The following ACIN1 variants were observed in gnomAD, a reference collection of about 807,000 sequenced individuals.
The protein encoded by ACIN1 is apoptotic chromatin condensation inducer in the nucleus.
In ACIN1, 16 loss-of-function variants were observed where a neutral mutation model predicts 146.6. The observed-to-expected ratio is 0.11, with a 90% confidence interval of 0.07 to 0.17. ACIN1 has a LOEUF of 0.17. Ranked by LOEUF, ACIN1 falls within the 10% of genes least tolerant of loss-of-function variation. The pLI, the probability that ACIN1 is intolerant of heterozygous loss-of-function variation, is 1.00. For missense variants in ACIN1, 1,357 were observed against 1,609.3 expected (o/e 0.84, Z 2.68); for synonymous variants, 569 against 582.7 (o/e 0.98, Z 0.34).
chr14:23,085,307 C>G (rs576225470), intron 4 of ACIN1, among the ~76,000 whole-genome samples: 2 of 152,310 alleles, frequency 1.3e-5, no homozygotes, highest in East Asian at 3.9e-4. Flanking sequence ...TGCACTCCAG[C>G]CTGGGCGACA....
chr14:23,061,369 G>C lies in ACIN1; in HGVS notation c.3353C>G (p.Ser1118Cys), dbSNP rs1010651256. Reference sequence around the variant, plus strand: ...GCGGCGGTCACGGGACCTTGATCGGGAACGGGGCCCTTCTCGAACTTTGTC... The same window carrying C: ...GCGGCGGTCACGGGACCTTGATCGGCAACGGGGCCCTTCTCGAACTTTGTC... ...DRDKVREGPR[S>C]RSRSRDRRRK... Residue 1118 changes from serine (S) to cysteine (C), a missense_variant, in exon 17 of 19, where the codon TCC becomes TGC. Around this residue, in one of 4 missense-constraint regions of ACIN1, gnomAD observed 509 missense variants for 719.6 expected, o/e 0.71. Transcript: ENST00000605057. 1 of 1,614,110 alleles carries C rather than the reference G, an allele frequency of 6.2e-7. No individual in the cohort carries two copies. The highest frequency in any genetic ancestry group is 8.5e-7 in the Non-Finnish European group (1 of 1,180,026).
At position 23,071,636 on chromosome 14, in the gene ACIN1, G is replaced by GGAGCTGAGTGAGCAA. The variant is rs1330849210; in HGVS notation, c.2124-2034_2124-2020dup. On this transcript the variant is annotated intron_variant, in intron 8 of 18. Transcript: ENST00000605057. Reference sequence around the variant, plus strand: ...AGGGGAGGGGAAAGAAAAGAGGGAGGGAGCTGAGTGAGCAAGGTTCTTATC... The same window carrying GGAGCTGAGTGAGCAA: ...AGGGGAGGGGAAAGAAAAGAGGGAGGGAGCTGAGTGAGCAAGAGCTGAGTGAGCAAGGTTCTTATC... 419 of 1,352,528 alleles carry GGAGCTGAGTGAGCAA rather than the reference G, an allele frequency of 3.1e-4. 2 individuals are homozygous for GGAGCTGAGTGAGCAA. In the Middle Eastern group the frequency reaches 3.4e-3, roughly 11 times the overall value. 83.8% of individuals were successfully genotyped at this position (1,352,528 alleles called of 1,614,324 possible).
chr14:23,080,781 C>G lies in ACIN1; in HGVS notation c.554G>C (p.Ser185Thr). 1 of 1,610,244 alleles carries G rather than the reference C, an allele frequency of 6.2e-7. No homozygotes were observed. The highest frequency in any genetic ancestry group is 1.1e-5 in the South Asian group (1 of 90,666). ...ATCCTCTTCCTCCTCAGCAGGTTGG[C>G]TGCCCTCAGACAGTTTAGCTGCTCT... ...QARAAKLSEG[S>T]QPAEEEEDQE... The change falls in exon 6 of 19, where the codon AGC becomes ACC. Residue 185 changes from serine to threonine, a missense_variant. Transcript: ENST00000605057.
At chr14:23,075,709 A>T (rs55669807) in intron 8 of ACIN1, among the ~76,000 whole-genome samples, 1 of 144,842 alleles carries the variant, frequency 6.9e-6, no homozygotes, top group African/African-American at 2.5e-5. Flanking sequence ...GGTCTTTTCC[A>T]TTTTTTTTTT....
intron 8 of ACIN1, among the ~76,000 whole-genome samples, chr14:23,070,122 T>G (rs912106679): frequency 6.6e-6 from 1 of 150,966 alleles, no homozygotes; most frequent in Non-Finnish European, 1.5e-5. Context: ...GCCTGACCTG[T>G]GTTTAATCAA....
chr14:23,072,310 C>T (rs755055099), intron 8 of ACIN1, among the ~76,000 whole-genome samples: 4 of 152,060 alleles, frequency 2.6e-5, no homozygotes, highest in Non-Finnish European at 2.9e-5. Flanking sequence ...CCCCAGGGTC[C>T]ACTCGGGCCA....
intron 4 of ACIN1, among the ~76,000 whole-genome samples, chr14:23,085,296 C>T (rs2048061390): frequency 6.6e-6 from 1 of 152,088 alleles, no homozygotes; most frequent in African/African-American, 2.4e-5. Flanking sequence ...GATCGCGCCA[C>T]TGCACTCCAG....
chr14:23,062,456 G>A lies in ACIN1; in HGVS notation c.2951C>T (p.Ala984Val). 6.2e-7 allele frequency: 1 copy of A among 1,614,140 alleles called. No individual in the cohort carries two copies. Among genetic ancestry groups the A allele is most frequent in the Non-Finnish European group, 8.5e-7 (1 of 1,180,026 alleles). Residue 984 changes from alanine to valine, a missense_variant, in exon 15 of 19, where the codon GCC (alanine) becomes GTC (valine). By Grantham distance (64) the Ala-to-Val change is moderately conservative. This residue lies in a region of ACIN1 where 509 missense variants were observed against 719.6 expected (regional missense o/e 0.71). Coordinates refer to ENST00000605057, the MANE Select transcript of ACIN1 (RefSeq NM_001386863.1). Reference protein sequence around the residue: ...LGRTGTLVEEAFWIDKIKSHC... With the variant: ...LGRTGTLVEEVFWIDKIKSHC... ...AGATTTGATCTTGTCAATCCAGAAGGCCTCTTCCACCAAGGTTCCTGTGCG... is the reference window on the plus strand; with the variant it reads ...AGATTTGATCTTGTCAATCCAGAAGACCTCTTCCACCAAGGTTCCTGTGCG...
intron 8 of ACIN1, among the ~76,000 whole-genome samples, chr14:23,075,323 C>CTTT (rs11423392): frequency 8.0e-4 from 107 of 133,334 alleles, no homozygotes; most frequent in African/African-American, 3.0e-3. Context: ...CTTTCTTCCC[C>CTTT]TTTTTTTTTT....
In ACIN1 at chr14:23,062,483, C is replaced by T. The variant is rs2047320038; in HGVS notation, c.2924G>A (p.Gly975Glu). ...FTLGQLKELL[G>E]RTGTLVEEAF... ...CTCTTCCACCAAGGTTCCTGTGCGC[C>T]CCAACAACTCCTTTAGCTGGCCTAA... The change falls in exon 15 of 19, where the codon GGG becomes GAG. Residue 975 changes from glycine (G) to glutamate (E), a missense_variant. Gly to Glu is a moderately conservative substitution (Grantham distance 98). Transcript: ENST00000605057. The T allele has an allele frequency of 6.2e-7, 1 of 1,614,046 alleles. No homozygotes were observed. Among genetic ancestry groups the T allele is most frequent in the African/African-American group, 1.3e-5 (1 of 74,910 alleles).
Position 23,068,096 on chromosome 14 carries a change from C to T in ACIN1, c.2265+1380G>A. ...ACCAAAGGAAAGTCCATCTGATGAG[C>T]AAGTGGTGACACATGGGCTGGGCTG... On this transcript the variant is annotated intron_variant, in intron 9 of 18. Coordinates refer to ENST00000605057, the MANE Select transcript of ACIN1 (RefSeq NM_001386863.1). The surrounding 1 kb of genome is among the most constrained non-coding windows in gnomAD (Gnocchi z 4.3). 4 of 985,876 alleles carry T rather than the reference C, an allele frequency of 4.1e-6. No homozygotes were observed. The South Asian group carries it at 1.9e-4, about 46-fold the overall frequency. The allele number at this position is 985,876 out of a possible 1,614,324, so 61.1% of individuals were successfully genotyped here. A position where few individuals can be genotyped will look rare whatever the true frequency, so the allele number is the denominator to read the frequency against.
chr14:23,091,533 C>G (rs1278752696), intron 2 of ACIN1, among the ~76,000 whole-genome samples: 5 of 149,846 alleles, frequency 3.3e-5, no homozygotes, highest in African/African-American at 7.4e-5. Flanking sequence ...CCACTGCACT[C>G]CAGCCTGGGT....
chr14:23,061,199 AGT>A lies in ACIN1; in HGVS notation c.3425-17_3425-16del. On this transcript the variant is annotated splice_polypyrimidine_tract_variant and intron_variant, in intron 17 of 18. Transcript: ENST00000605057. Reference sequence around the variant, plus strand: ...CTGGGCTTTCTCTGAGGTGGAAAAAAGTGAACCAGATATGATGCATCTGACCC... The same window carrying A: ...CTGGGCTTTCTCTGAGGTGGAAAAAAGAACCAGATATGATGCATCTGACCC... 6.2e-7 allele frequency: 1 copy of A among 1,614,148 alleles called. No homozygotes were observed. Among genetic ancestry groups the A allele is most frequent in the South Asian group, 1.1e-5 (1 of 91,080 alleles).
At chr14:23,087,014 T>C (rs958136471) in intron 4 of ACIN1, among the ~76,000 whole-genome samples, 2 of 147,094 alleles carry the variant, frequency 1.4e-5, no homozygotes, top group East Asian at 2.1e-4. Context: ...TTCTTAAACA[T>C]AGTAATATTA....
intron 4 of ACIN1, among the ~76,000 whole-genome samples, chr14:23,083,448 G>A (rs766561647): frequency 3.3e-5 from 5 of 152,128 alleles, no homozygotes; most frequent in Non-Finnish European, 7.4e-5. Flanking sequence ...AGATCAACTA[G>A]GCGGCCGGGC....
At chr14:23,074,080 C>G (rs1229206117) in intron 8 of ACIN1, among the ~76,000 whole-genome samples, 8 of 151,636 alleles carry the variant, frequency 5.3e-5, no homozygotes, top group Non-Finnish European at 1.2e-4. Context: ...CCTTGTGATT[C>G]GCGCGTCTCG....
chr14:23,080,919 C>T, intron 5 of ACIN1, 110 bp from the exon 6 acceptor site: 1 of 1,486,252 alleles, frequency 6.7e-7, no homozygotes, highest in Non-Finnish European at 8.9e-7. Context: ...ATGATATATA[C>T]TTTCAGCAAC....
Position 23,059,184 on chromosome 14 carries a change from C to G in ACIN1, c.3816G>C (p.Arg1272=). 1 of 1,614,040 alleles carries G rather than the reference C, an allele frequency of 6.2e-7. No individual in the cohort carries two copies. The highest frequency in any genetic ancestry group is 8.5e-7 in the Non-Finnish European group (1 of 1,179,998). ...CACCCCGGTCCCGCACAGGTGTGCTCCGACTCCGGCTTCTGCTGTGGCGCT... is the reference window on the plus strand; with the variant it reads ...CACCCCGGTCCCGCACAGGTGTGCTGCGACTCCGGCTTCTGCTGTGGCGCT... The part of the protein sequence containing the change: ...DTKRHSRSRS[R]STPVRDRGGR... Residue 1272 remains arginine (R), a synonymous_variant, in exon 19 of 19, where the codon CGG becomes CGC. Transcript: ENST00000605057.
chr14:23,062,577 A>C, intron 14 of ACIN1, 54 bp from the exon 15 acceptor site: 10 of 1,480,366 alleles, frequency 6.8e-6, no homozygotes, highest in South Asian at 2.3e-5. Context: ...CCACCACCCA[A>C]TCTTTAGATT....
Sources: gnomAD v4.1 joint callset for allele counts (sites outside exome capture counted in the v4.1 genomes callset) on GRCh38, gnomAD v4.1.1 for gene constraint, gnomAD v4.1.1 regional missense constraint, Gnocchi (gnomAD v3.1) non-coding constraint, MANE v1.5 for transcripts, NCBI Gene and HGNC (gene_info 2026-07-23, HGNC 2026-07-21) for gene names.